Variants in RGS7 observed in about 807,000 individuals in gnomAD.
The protein encoded by RGS7 is regulator of G protein signaling 7, also known as regulator of G-protein signaling 7.
Under a neutral mutation model 81.1 loss-of-function variants are expected in RGS7, and 27 were observed. The ratio of observed to expected loss-of-function variants is 0.33; its 90% CI spans 0.25 to 0.46. The LOEUF is 0.46. RGS7 is among the 20% of genes least tolerant of loss of function. The pLI, the probability that RGS7 is intolerant of heterozygous loss-of-function variation, is 1.00. For missense variants in RGS7, 396 were observed against 607.4 expected, an observed-to-expected ratio of 0.65 and a Z score of 3.66; for synonymous variants, 208 against 207.7, an observed-to-expected ratio of 1.00 and a Z score of -0.01.
At chr1:240,825,360 T>G (rs1457098235) in intron 10 of RGS7, among the ~76,000 whole-genome samples, 1 of 152,200 alleles carries the variant, frequency 6.6e-6, no homozygotes, top group Non-Finnish European at 1.5e-5. Context: ...TGGAGTCGGA[T>G]AACCTTCCAT....
Position 240,892,355 on chromosome 1 carries a change from C to A in RGS7, c.386-22236G>T, listed in dbSNP as rs576689206. On this transcript the variant is annotated intron_variant, in intron 6 of 18. Coordinates refer to ENST00000440928, the MANE Select transcript of RGS7 (RefSeq NM_001364886.1). ...TAAAATTTCTCTAGAGGTTCTAGAA[C>A]AAGGGCTATTTTTTTGTATGCTCAC... Among the ~76,000 whole-genome samples the A allele has an allele frequency of 4.0e-4, 61 of 152,180 alleles. No homozygotes were observed. The South Asian group carries it at 0.013, about 32-fold the overall frequency.
rs1374552672 is a variant in RGS7 at position 241,089,063 on chromosome 1, C to CTCTATATATA, written c.175+9602_175+9603insTATATATAGA. On this transcript the variant is annotated intron_variant, in intron 3 of 18. Transcript: ENST00000440928. ...TCTCTCTCTCTCTCTCTCTCTCTCT[C>CTCTATATATA]TATATATATATATATATATATATAT... 3.8e-4 allele frequency among the ~76,000 whole-genome samples: 9 copies of CTCTATATATA among 23,686 alleles called. 1 individual carries two copies. Among genetic ancestry groups the CTCTATATATA allele is most frequent in the Non-Finnish European group, 5.9e-4 (8 of 13,446 alleles). The allele number at this position is 23,686 out of a possible 152,430, so 15.5% of individuals were successfully genotyped here.
chr1:240,989,527 T>C (rs6673612), intron 3 of RGS7, among the ~76,000 whole-genome samples: 137,412 of 151,894 alleles, frequency 0.9, 62,197 homozygotes, highest in East Asian at 1. Context: ...ATCCTCTCCA[T>C]GACTACCAAT....
intron 9 of RGS7, among the ~76,000 whole-genome samples, chr1:240,830,772 C>T (rs867260457): frequency 6.6e-6 from 1 of 152,126 alleles, no homozygotes; most frequent in African/African-American, 2.4e-5. Context: ...GATTCCAAAT[C>T]AATTTTACTT....
chr1:241,206,910 TTCTC>T (rs1437674908), intron 2 of RGS7, among the ~76,000 whole-genome samples: 2 of 151,648 alleles, frequency 1.3e-5, no homozygotes, highest in Admixed American at 6.6e-5. Flanking sequence ...CCTTCTTTCT[TTCTC>T]CCTCCCTCCC....
chr1:241,308,743 G>A (rs1020960060), intron 2 of RGS7, among the ~76,000 whole-genome samples: 2 of 152,042 alleles, frequency 1.3e-5, no homozygotes, highest in South Asian at 2.1e-4. Context: ...TCTACTGTGC[G>A]GGGGGCCCTC....
chr1:240,801,734 A>G lies in RGS7; in HGVS notation c.1360-226T>C, dbSNP rs923598539. ...CCAAAAACTTTCCTTGTACAAACAAAATGGTGTGATTCAAGCAAAATCAAA... is the reference window on the plus strand; with the variant it reads ...CCAAAAACTTTCCTTGTACAAACAAGATGGTGTGATTCAAGCAAAATCAAA... On this transcript the variant is annotated intron_variant, in intron 16 of 18. Coordinates refer to ENST00000440928, the MANE Select transcript of RGS7 (RefSeq NM_001364886.1). 5.9e-5 allele frequency among the ~76,000 whole-genome samples: 9 copies of G among 152,098 alleles called. 1 individual carries two copies. In the South Asian group the frequency reaches 6.2e-4, roughly 11 times the overall value.
intron 3 of RGS7, among the ~76,000 whole-genome samples, chr1:241,004,588 A>T (rs1380266506): frequency 2.0e-5 from 3 of 152,170 alleles, no homozygotes; most frequent in African/African-American, 7.2e-5. Context: ...AGACCCAAAG[A>T]TATAGAGGAA....
At chr1:241,087,715 G>A (rs1056418372) in intron 3 of RGS7, among the ~76,000 whole-genome samples, 1 of 152,106 alleles carries the variant, frequency 6.6e-6, no homozygotes, top group East Asian at 1.9e-4. Flanking sequence ...TTGGGAGGCC[G>A]AGGTGGGCAG....
intron 9 of RGS7, among the ~76,000 whole-genome samples, chr1:240,863,203 G>A (rs1185141628): frequency 1.3e-5 from 2 of 152,164 alleles, no homozygotes; most frequent in African/African-American, 4.8e-5. Context: ...GCCGGGCACG[G>A]TGGCTCATGC....
At chr1:241,028,850 C>A (rs375324304) in intron 3 of RGS7, among the ~76,000 whole-genome samples, 4 of 152,074 alleles carry the variant, frequency 2.6e-5, no homozygotes, top group East Asian at 1.9e-4. Context: ...AAAACCGATG[C>A]GACGATGACT....
intron 2 of RGS7, among the ~76,000 whole-genome samples, chr1:241,351,203 G>A (rs1054516513): frequency 3.9e-5 from 6 of 151,988 alleles, no homozygotes; most frequent in Non-Finnish European, 8.8e-5. Flanking sequence ...AGGATGGCTT[G>A]AGCCTAGGAA....
At chr1:241,145,752 A>C (rs986286927) in intron 2 of RGS7, among the ~76,000 whole-genome samples, 5 of 152,198 alleles carry the variant, frequency 3.3e-5, no homozygotes, top group Non-Finnish European at 7.3e-5. Context: ...CAAAATAAAC[A>C]AACAAATAAA....
intron 14 of RGS7, among the ~76,000 whole-genome samples, chr1:240,810,755 T>C (rs1295024583): frequency 6.6e-6 from 1 of 152,186 alleles, no homozygotes; most frequent in Non-Finnish European, 1.5e-5. Flanking sequence ...AGCCTTTTAA[T>C]GAATTCTTGC....
intron 2 of RGS7, among the ~76,000 whole-genome samples, chr1:241,099,671 G>A (rs2064572636): frequency 6.6e-6 from 1 of 152,200 alleles, no homozygotes; most frequent in Non-Finnish European, 1.5e-5. Flanking sequence ...CTAAACCTGG[G>A]AGATGCAGAG....
At chr1:240,981,850 A>G (rs1325025270) in intron 4 of RGS7, among the ~76,000 whole-genome samples, 1 of 152,132 alleles carries the variant, frequency 6.6e-6, no homozygotes, top group African/African-American at 2.4e-5. Flanking sequence ...AAAAATTAAA[A>G]CCTTGCATCT....
At chr1:241,195,860 G>T (rs139900210) in intron 2 of RGS7, among the ~76,000 whole-genome samples, 22 of 152,112 alleles carry the variant, frequency 1.4e-4, no homozygotes, top group Middle Eastern at 6.8e-3. Context: ...CAGGTACAAT[G>T]AAAAGATCTA....
intron 3 of RGS7, among the ~76,000 whole-genome samples, chr1:241,016,218 A>T (rs1001465053): frequency 3.3e-5 from 5 of 152,136 alleles, no homozygotes; most frequent in African/African-American, 7.2e-5. Context: ...CCTTAGAAAA[A>T]ATTTTACATA....
At chr1:240,827,060 T>C (rs749545426) in intron 10 of RGS7, 38 bp downstream of exon 10, 4 of 1,509,470 alleles carry the variant, frequency 2.6e-6, no homozygotes, top group African/African-American at 2.8e-5. Context: ...AACAATGCAA[T>C]CCATCACCAA....
Sources: allele counts gnomAD v4.1 joint callset (sites outside exome capture counted in the v4.1 genomes callset), GRCh38; gene constraint gnomAD v4.1.1; transcripts MANE v1.5; gene names NCBI Gene and HGNC (gene_info 2026-07-23, HGNC 2026-07-21).